Variants in NBPF3 observed in about 807,000 individuals in gnomAD.
NBPF3 encodes NBPF member 3.
NBPF3 carries 57 observed loss-of-function variants against 78.1 expected under a neutral mutation model. The ratio of observed to expected loss-of-function variants is 0.73; its 90% CI spans 0.59 to 0.91. The LOEUF (loss-of-function observed/expected upper bound fraction) is 0.91. Ranked by LOEUF, NBPF3 falls within the 40% of genes least tolerant of loss-of-function variation. The pLI is 0.00. For missense variants in NBPF3, 510 were observed against 715.3 expected (o/e 0.71, Z 3.27); for synonymous variants, 182 against 271.7 (o/e 0.67, Z 3.25).
chr1:21,456,641 A>G (rs914742631), intron 2 of NBPF3, among the ~76,000 whole-genome samples: 1 of 107,904 alleles, frequency 9.3e-6, no homozygotes, highest in Non-Finnish European at 2.4e-5. Context: ...ATTTGGCAAA[A>G]TTGAAAAATT....
At chr1:21,451,638 T>G (rs1025679430) in intron 2 of NBPF3, 3 of 154,470 alleles carry the variant, frequency 1.9e-5, no homozygotes, top group African/African-American at 7.2e-5. Context: ...AGCATGAGCT[T>G]CTGTCAGGCC....
At chr1:21,465,004 C>CAAAAAAAAAAA (rs10531760) in intron 2 of NBPF3, among the ~76,000 whole-genome samples, 1 of 99,276 alleles carries the variant, frequency 1.0e-5, no homozygotes, top group Non-Finnish European at 2.0e-5. Context: ...GACCCTGTCT[C>CAAAAAAAAAAA]AAAAAAAAAA....
intron 1 of NBPF3, chr1:21,442,320 A>G (rs1180504679): frequency 1.3e-5 from 2 of 152,026 alleles, no homozygotes; most frequent in African/African-American, 2.4e-5. Flanking sequence ...GGCTCAGATG[A>G]TCCCCCTGCC....
chr1:21,480,717 A>C (rs1435065339), intron 11 of NBPF3, among the ~76,000 whole-genome samples: 6 of 152,300 alleles, frequency 3.9e-5, no homozygotes, highest in African/African-American at 9.6e-5. Context: ...ATAACTGTCT[A>C]CCAGAATAGG....
At chr1:21,473,638 ACT>A in intron 7 of NBPF3, 53 bp downstream of exon 7, 1 of 1,446,458 alleles carries the variant, frequency 6.9e-7, no homozygotes, top group Admixed American at 1.7e-5. Context: ...AGGAATATAA[ACT>A]CTGAAGACAG....
intron 2 of NBPF3, 113 bp from the exon 3 acceptor site, chr1:21,468,575 T>A: frequency 6.3e-7 from 1 of 1,587,116 alleles, no homozygotes; most frequent in Non-Finnish European, 8.6e-7. Context: ...CTGATCACAT[T>A]TTTCTCAACA....
At chr1:21,477,792 A>G (rs1388000719) in intron 8 of NBPF3, among the ~76,000 whole-genome samples, 3 of 152,224 alleles carry the variant, frequency 2.0e-5, no homozygotes, top group Non-Finnish European at 4.4e-5. Flanking sequence ...AGCTCTGTTC[A>G]CTTGAATGCT....
At chr1:21,479,657 G>A (rs1289755300) in intron 10 of NBPF3, among the ~76,000 whole-genome samples, 1 of 152,072 alleles carries the variant, frequency 6.6e-6, no homozygotes, top group Non-Finnish European at 1.5e-5. Flanking sequence ...AGGGAAGCTT[G>A]AGCACATTTT....
chr1:21,477,761 C>T (rs1442892178), intron 8 of NBPF3, among the ~76,000 whole-genome samples: 1 of 152,218 alleles, frequency 6.6e-6, no homozygotes, highest in Non-Finnish European at 1.5e-5. Flanking sequence ...TACACAAGAT[C>T]TGTGTCTGCA....
intron 8 of NBPF3, chr1:21,477,938 C>A: frequency 9.8e-7 from 1 of 1,017,466 alleles, no homozygotes. Context: ...ATGTACTGAG[C>A]ACGTGCTGCC....
intron 2 of NBPF3, chr1:21,449,880 C>A: frequency 4.5e-6 from 3 of 669,084 alleles, no homozygotes; most frequent in East Asian, 1.4e-4. Flanking sequence ...TCTGAAACAG[C>A]CACATAAAGT....
chr1:21,471,817 C>A, intron 5 of NBPF3, 34 bp downstream of exon 5: 1 of 1,609,958 alleles, frequency 6.2e-7, no homozygotes, highest in Non-Finnish European at 8.5e-7. Context: ...GACCCAAAAC[C>A]CCAGGCTTAT....
chr1:21,476,702 C>G lies in NBPF3; in HGVS notation c.993-1442C>G, dbSNP rs1162881424. ...TAACTCGACCATTCTCTCTGGCTGC[C>G]CTTAACATTTTTTCCTTCTTTCAAC... On this transcript the variant is annotated intron_variant, in intron 8 of 14. Transcript: ENST00000318249. This position sits in a 1 kb window ranked among gnomAD's most constrained non-coding sequence, Gnocchi z 4.1. Among the ~76,000 whole-genome samples the G allele has an allele frequency of 6.6e-6, 1 of 152,136 alleles. No individual in the cohort carries two copies.
At position 21,483,162 on chromosome 1, in the gene NBPF3, G is replaced by A; in HGVS notation, c.1678G>A (p.Glu560Lys). Residue 560 changes from glutamate (E) to lysine (K), a missense_variant, in exon 15 of 15, where the codon GAA becomes AAA. This residue lies in a region of NBPF3 where 25 missense variants were observed against 27.3 expected (regional missense o/e 0.92). Transcript: ENST00000318249. ...TTCCAGGCTCAACGAGGTGCTGATG[G>A]AAGCAGAAGAGCCTGAAGTCTTGCA... ...PCPRLNEVLM[E>K]AEEPEVLQDS... 1.2e-6 allele frequency: 2 copies of A among 1,610,618 alleles called. No individual in the cohort carries two copies. The highest frequency in any genetic ancestry group is 1.7e-6 in the Non-Finnish European group (2 of 1,179,122).
chr1:21,451,461 T>G (rs1641306296), intron 2 of NBPF3, among the ~76,000 whole-genome samples: 1 of 152,222 alleles, frequency 6.6e-6, no homozygotes, highest in African/African-American at 2.4e-5. Context: ...ATGAGAAAGC[T>G]TTTGCCCCTT....
intron 4 of NBPF3, 32 bp from the exon 5 acceptor site, chr1:21,471,537 A>G (rs759919490): frequency 1.2e-6 from 2 of 1,611,586 alleles, no homozygotes; most frequent in East Asian, 2.2e-5. Flanking sequence ...ATCCCTTTCC[A>G]CTGTTAAATT....
chr1:21,447,922 A>G (rs1276347590), intron 2 of NBPF3, among the ~76,000 whole-genome samples: 2 of 152,092 alleles, frequency 1.3e-5, no homozygotes, highest in African/African-American at 4.8e-5. Context: ...TGTCTTTTTC[A>G]TATGCATATT....
At chr1:21,437,335 A>G, upstream of NBPF3, 1 of 447,482 alleles carries the variant, frequency 2.2e-6, no homozygotes, top group Non-Finnish European at 3.9e-6. Flanking sequence ...CTTTGATTGG[A>G]GTTGTCCGGG....
intron 5 of NBPF3, among the ~76,000 whole-genome samples, chr1:21,472,296 C>T (rs75562654): frequency 0.03 from 4,541 of 152,270 alleles, 92 homozygotes; most frequent in Non-Finnish European, 0.045. Flanking sequence ...TAAAGCCCCT[C>T]GCCATGTGGT....
Sources: gnomAD v4.1 joint callset for allele counts (sites outside exome capture counted in the v4.1 genomes callset) on GRCh38, gnomAD v4.1.1 for gene constraint, gnomAD v4.1.1 regional missense constraint, Gnocchi (gnomAD v3.1) non-coding constraint, MANE v1.5 for transcripts, NCBI Gene and HGNC (gene_info 2026-07-23, HGNC 2026-07-21) for gene names.